KCTD8: variants seen among roughly 807,000 people sequenced by gnomAD.
The protein encoded by KCTD8 is BTB/POZ domain-containing protein KCTD8.
Under a neutral mutation model 31.5 loss-of-function variants are expected in KCTD8, and 27 were observed. That is an observed-to-expected ratio of 0.86 (90% CI 0.63 to 1.18). The LOEUF (loss-of-function observed/expected upper bound fraction) is 1.18. Ranked by LOEUF, KCTD8 falls within the 50% of genes most tolerant of loss-of-function variation. KCTD8 has a pLI of 0.00. For synonymous variants in KCTD8, 290 were observed against 280.0 expected (o/e 1.04, Z -0.36); for missense variants, 658 against 647.7 (o/e 1.02, Z -0.17).
At chr4:44,377,080 A>T (rs543013615) in intron 1 of KCTD8, among the ~76,000 whole-genome samples, 1 of 152,332 alleles carries the variant, frequency 6.6e-6, no homozygotes, top group African/African-American at 2.4e-5. Context: ...AGCTACTGTT[A>T]AACAAAATTA....
intron 1 of KCTD8, among the ~76,000 whole-genome samples, chr4:44,188,906 T>C (rs114943087): frequency 6.6e-6 from 1 of 152,174 alleles, no homozygotes; most frequent in African/African-American, 2.4e-5. Context: ...GACTCTGGAG[T>C]CTGTGAGAGA....
At chr4:44,182,499 C>T (rs547629717) in intron 1 of KCTD8, among the ~76,000 whole-genome samples, 1 of 152,294 alleles carries the variant, frequency 6.6e-6, no homozygotes, top group East Asian at 1.9e-4. Flanking sequence ...CCCAACCATG[C>T]ACTCTCTGAA....
At chr4:44,418,594 G>C (rs1721134466) in intron 1 of KCTD8, among the ~76,000 whole-genome samples, 1 of 152,066 alleles carries the variant, frequency 6.6e-6, no homozygotes, top group Non-Finnish European at 1.5e-5. Context: ...TACGAAAATA[G>C]AGAAGAAAGA....
chr4:44,345,284 T>C (rs1010557343), intron 1 of KCTD8, among the ~76,000 whole-genome samples: 9 of 152,138 alleles, frequency 5.9e-5, no homozygotes, highest in African/African-American at 2.2e-4. Flanking sequence ...GAATAATAAA[T>C]GTAAAAAGAA....
At position 44,404,415 on chromosome 4, in the gene KCTD8, T is replaced by G. The variant is rs1210074838; in HGVS notation, c.961+43148A>C. Among the ~76,000 whole-genome samples the G allele has an allele frequency of 2.0e-5, 3 of 152,170 alleles. No homozygotes were observed. The East Asian group carries it at 5.8e-4, about 29-fold the overall frequency. On this transcript the variant is annotated intron_variant, in intron 1 of 1. Coordinates refer to ENST00000360029, the MANE Select transcript of KCTD8 (RefSeq NM_198353.3). ...TTTGAAAATACCAACAGGAAAAATTTTGCCTAATGGTATCAACAATATCAC... is the reference window on the plus strand; with the variant it reads ...TTTGAAAATACCAACAGGAAAAATTGTGCCTAATGGTATCAACAATATCAC...
intron 1 of KCTD8, among the ~76,000 whole-genome samples, chr4:44,357,088 G>GA (rs1719363638): frequency 1.4e-5 from 1 of 73,878 alleles, no homozygotes. Flanking sequence ...GGCATTTGAG[G>GA]CAAAAAAAAA....
At chr4:44,216,289 T>C (rs1714649124) in intron 1 of KCTD8, among the ~76,000 whole-genome samples, 2 of 152,166 alleles carry the variant, frequency 1.3e-5, no homozygotes, top group South Asian at 4.1e-4. Flanking sequence ...TTTACCACTT[T>C]ATACAGTAAG....
At chr4:44,230,541 G>A (rs1403415078) in intron 1 of KCTD8, among the ~76,000 whole-genome samples, 33 of 152,102 alleles carry the variant, frequency 2.2e-4, no homozygotes. Flanking sequence ...TTTTTACAAA[G>A]CCATGTGACA....
At chr4:44,416,873 C>G (rs956281786) in intron 1 of KCTD8, among the ~76,000 whole-genome samples, 3 of 152,152 alleles carry the variant, frequency 2.0e-5, no homozygotes, top group Admixed American at 1.3e-4. Flanking sequence ...TGTTGTAAGT[C>G]ATTCAAAATG....
intron 1 of KCTD8, among the ~76,000 whole-genome samples, chr4:44,444,956 G>T (rs928998035): frequency 6.6e-6 from 1 of 152,110 alleles, no homozygotes; most frequent in African/African-American, 2.4e-5. Flanking sequence ...CTGAAAAAAA[G>T]GGTGTCAAAG....
intron 1 of KCTD8, among the ~76,000 whole-genome samples, chr4:44,421,962 T>C (rs1721222944): frequency 6.6e-6 from 1 of 152,160 alleles, no homozygotes; most frequent in South Asian, 2.1e-4. Context: ...AATCATCTGA[T>C]CTGTGCATGG....
intron 1 of KCTD8, among the ~76,000 whole-genome samples, chr4:44,373,553 T>C (rs1719844722): frequency 6.6e-6 from 1 of 152,136 alleles, no homozygotes; most frequent in Non-Finnish European, 1.5e-5. Context: ...GATAAAATGA[T>C]TTAATATTTT....
intron 1 of KCTD8, among the ~76,000 whole-genome samples, chr4:44,274,202 TGGAATAATTTAGGG>T: frequency 6.6e-6 from 1 of 151,864 alleles, no homozygotes; most frequent in Non-Finnish European, 1.5e-5. Flanking sequence ...CTTCCCTCCT[TGGAATAATTTAGGG>T]AGATTTAACT....
intron 1 of KCTD8, among the ~76,000 whole-genome samples, chr4:44,399,273 G>A (rs1407584236): frequency 1.3e-5 from 2 of 152,128 alleles, no homozygotes; most frequent in Non-Finnish European, 2.9e-5. Context: ...GGAGTGAAAA[G>A]TAACTGATTA....
At chr4:44,279,458 TTTC>T (rs1716838393) in intron 1 of KCTD8, among the ~76,000 whole-genome samples, 1 of 152,096 alleles carries the variant, frequency 6.6e-6, no homozygotes, top group Non-Finnish European at 1.5e-5. Flanking sequence ...GTCTCTCTGA[TTTC>T]TTCTTCTGCC....
intron 1 of KCTD8, among the ~76,000 whole-genome samples, chr4:44,307,245 T>G (rs547041314): frequency 6.6e-6 from 1 of 152,118 alleles, no homozygotes; most frequent in East Asian, 1.9e-4. Flanking sequence ...TCAGAAAAAC[T>G]GAAGAGGCCT....
chr4:44,204,493 C>T (rs1004961736), intron 1 of KCTD8, among the ~76,000 whole-genome samples: 4 of 152,126 alleles, frequency 2.6e-5, no homozygotes, highest in African/African-American at 4.8e-5. Context: ...ATGCAGCCCC[C>T]AGTCATGTAC....
chr4:44,202,036 A>T (rs1454343208), intron 1 of KCTD8, among the ~76,000 whole-genome samples: 2 of 152,168 alleles, frequency 1.3e-5, no homozygotes, highest in East Asian at 3.8e-4. Context: ...GCATATGAAA[A>T]AATACCCAAC....
At chr4:44,400,821 A>G (rs1165357117) in intron 1 of KCTD8, among the ~76,000 whole-genome samples, 1 of 151,674 alleles carries the variant, frequency 6.6e-6, no homozygotes, top group East Asian at 1.9e-4. Context: ...TTTTAGTTCA[A>G]TGAATGAATT....
Sources: allele counts gnomAD v4.1 joint callset (sites outside exome capture counted in the v4.1 genomes callset), GRCh38; gene constraint gnomAD v4.1.1; transcripts MANE v1.5; gene names NCBI Gene and HGNC (gene_info 2026-07-23, HGNC 2026-07-21).